The following IKBKB variants were observed in gnomAD, a reference collection of about 807,000 sequenced individuals.
The protein encoded by IKBKB is inhibitor of nuclear factor kappa B kinase subunit beta, also known as inhibitor of nuclear factor kappa-B kinase subunit beta.
In IKBKB, 42 loss-of-function variants were observed where a neutral mutation model predicts 113.6. That is an observed-to-expected ratio of 0.37 (90% CI 0.29 to 0.48). The LOEUF is 0.48. IKBKB is among the 20% of genes least tolerant of loss of function. The pLI is 0.99. For missense variants in IKBKB, 673 were observed against 939.7 expected (o/e 0.72, Z 3.71); for synonymous variants, 296 against 361.3 (o/e 0.82, Z 2.05).
chr8:42,310,630 C>A (rs757182612), intron 8 of IKBKB, among the ~76,000 whole-genome samples: 1 of 152,162 alleles, frequency 6.6e-6, no homozygotes, highest in Non-Finnish European at 1.5e-5. Context: ...ATTACCCCCT[C>A]ATTTTTGCCA....
chr8:42,308,857 C>T (rs1026383539), intron 7 of IKBKB, 44 bp from the exon 8 acceptor site: 1 of 1,606,334 alleles, frequency 6.2e-7, no homozygotes, highest in African/African-American at 1.3e-5. Flanking sequence ...CCGTGGTCCC[C>T]CCAGAGAGGA....
chr8:42,326,163 C>T (rs373888371), intron 20 of IKBKB, 66 bp downstream of exon 20: 17 of 1,575,644 alleles, frequency 1.1e-5, no homozygotes, highest in South Asian at 4.5e-5. Context: ...GGGATGGAGG[C>T]GTTTGTCACT....
rs144608378 is a variant in IKBKB at position 42,305,039 on chromosome 8, C to T, written c.389-148C>T. 5.2e-4 allele frequency: 327 copies of T among 623,610 alleles called. No homozygotes were observed. The East Asian group carries it at 7.9e-3, about 15-fold the overall frequency. 38.6% of individuals were successfully genotyped at this position (623,610 alleles called of 1,614,324 possible). A position where few individuals can be genotyped will look rare whatever the true frequency, so the allele number is the denominator to read the frequency against. ...CTGTGGAAGTTTAAGCCTCACGTAG[C>T]AGGGCCCCTGCCCTCCACCCTGAGG... On this transcript the variant is annotated intron_variant, in intron 5 of 21. Transcript: ENST00000520810.
intron 19 of IKBKB, 98 bp downstream of exon 19, chr8:42,322,592 C>T: frequency 1.6e-6 from 2 of 1,233,712 alleles, no homozygotes; most frequent in South Asian, 1.4e-5. Context: ...CACCACAGAG[C>T]CACCAGCAGC....
In IKBKB at chr8:42,314,404, T is replaced by C. The variant is rs750756038; in HGVS notation, c.775T>C (p.Leu259=). 4 of 1,609,162 alleles carry C rather than the reference T, an allele frequency of 2.5e-6. No homozygotes were observed. Among genetic ancestry groups the C allele is most frequent in the Non-Finnish European group, 3.4e-6 (4 of 1,175,416 alleles). ...TGGAACGGTGAAGTTTTCAAGCTCT[T>C]TACCCTACCCCAATAATCTTAACAG... ...LNGTVKFSSS[L]PYPNNLNSVL... is the part of the protein sequence containing the mutation. Residue 259 remains leucine (L), a synonymous_variant, in exon 9 of 22, where the codon TTA becomes CTA. Transcript: ENST00000520810.
intron 20 of IKBKB, among the ~76,000 whole-genome samples, chr8:42,327,433 A>C (rs1452074428): frequency 6.8e-6 from 1 of 147,450 alleles, no homozygotes; most frequent in African/African-American, 2.5e-5. Flanking sequence ...TCTCAGGTTC[A>C]AGTGATTCTT....
intron 5 of IKBKB, among the ~76,000 whole-genome samples, chr8:42,297,239 T>C (rs1460821276): frequency 3.3e-5 from 5 of 152,258 alleles, no homozygotes; most frequent in Non-Finnish European, 7.3e-5. Context: ...AAATTTCTTT[T>C]TGCAAGGATC....
chr8:42,272,228 G>A (rs776492942), intron 2 of IKBKB, 23 bp downstream of exon 2: 2 of 1,614,022 alleles, frequency 1.2e-6, no homozygotes, highest in South Asian at 2.2e-5. Flanking sequence ...TGCAGCTTGG[G>A]GAGGGGCGGG....
intron 5 of IKBKB, among the ~76,000 whole-genome samples, chr8:42,299,924 G>A (rs554737645): frequency 6.6e-6 from 1 of 152,294 alleles, no homozygotes; most frequent in East Asian, 1.9e-4. Context: ...TGTGATTTCT[G>A]TCTGTGCCTT....
intron 2 of IKBKB, among the ~76,000 whole-genome samples, chr8:42,272,763 C>G (rs1808058832): frequency 6.6e-6 from 1 of 151,728 alleles, no homozygotes; most frequent in Non-Finnish European, 1.5e-5. Context: ...CACTGTGAAA[C>G]CCCATCTCTA....
chr8:42,295,923 G>C (rs528683055), intron 5 of IKBKB, among the ~76,000 whole-genome samples: 1 of 152,290 alleles, frequency 6.6e-6, no homozygotes, highest in East Asian at 1.9e-4. Flanking sequence ...TTGTGTGCAT[G>C]TATGTATTTA....
At chr8:42,274,589 GTGGCGCGATCT>G (rs1203468439) in intron 2 of IKBKB, among the ~76,000 whole-genome samples, 1 of 151,742 alleles carries the variant, frequency 6.6e-6, no homozygotes, top group East Asian at 1.9e-4. Flanking sequence ...CTGGAGTGCA[GTGGCGCGATCT>G]TGGCTCACTG....
Position 42,316,418 on chromosome 8 carries a change from G to A in IKBKB, c.930+79G>A. 2.6e-6 allele frequency: 4 copies of A among 1,550,268 alleles called. No homozygotes were observed. The highest frequency in any genetic ancestry group is 3.5e-6 in the Non-Finnish European group (4 of 1,136,642). On this transcript the variant is annotated intron_variant, in intron 10 of 21. Transcript: ENST00000520810. This position sits in a 1 kb window ranked among gnomAD's most constrained non-coding sequence, Gnocchi z 4.5. ...CATGCAGTTCTTAGGACAGAGCAGG[G>A]GATGGGGCCAGCTGACCTAGTGAGG...
intron 20 of IKBKB, among the ~76,000 whole-genome samples, chr8:42,328,303 C>T (rs1821207658): frequency 6.7e-6 from 1 of 148,740 alleles, no homozygotes; most frequent in Non-Finnish European, 1.5e-5. Flanking sequence ...CTCATGAGCT[C>T]CTGGAGTATA....
At chr8:42,326,848 C>T (rs144670867) in intron 20 of IKBKB, among the ~76,000 whole-genome samples, 17 of 152,292 alleles carry the variant, frequency 1.1e-4, no homozygotes, top group African/African-American at 2.2e-4. Context: ...TCTGCTCCCA[C>T]GCCCATCTCT....
chr8:42,322,121 G>A lies in IKBKB; in HGVS notation c.1806G>A (p.Glu602=). The A allele has an allele frequency of 6.2e-7, 1 of 1,613,978 alleles. No homozygotes were observed. The highest frequency in any genetic ancestry group is 1.1e-5 in the South Asian group (1 of 91,068). ...TGCTTCAGGCAATTCAGAGCTTCGAGAAGAAAGTGCGAGTGATCTATACGC... is the reference window on the plus strand; with the variant it reads ...TGCTTCAGGCAATTCAGAGCTTCGAAAAGAAAGTGCGAGTGATCTATACGC... ...RLLLQAIQSF[E]KKVRVIYTQL... The change falls in exon 18 of 22, where the codon GAG becomes GAA. Residue 602 remains glutamate (E), a synonymous_variant. Transcript: ENST00000520810.
chr8:42,284,502 A>C (rs1264314251), intron 2 of IKBKB, among the ~76,000 whole-genome samples: 1 of 151,908 alleles, frequency 6.6e-6, no homozygotes, highest in East Asian at 1.9e-4. Context: ...GAATGGCGTG[A>C]ACCCGGGAGG....
At chr8:42,306,842 C>T (rs1816640818) in intron 7 of IKBKB, among the ~76,000 whole-genome samples, 1 of 152,230 alleles carries the variant, frequency 6.6e-6, no homozygotes, top group Non-Finnish European at 1.5e-5. Flanking sequence ...TTTCAGGGGC[C>T]ACTGAGTAGG....
At position 42,309,008 on chromosome 8, in the gene IKBKB, C is replaced by T. The variant is rs368588487; in HGVS notation, c.675C>T (p.Asn225=). ...CGGGCTTCCGGCCCTTCCTCCCCAA[C>T]TGGCAGCCCGTGCAGTGGTGAGTGG... The part of the protein sequence containing the change: ...CITGFRPFLP[N]WQPVQWHSKV... The change falls in exon 8 of 22, where the codon AAC becomes AAT. Residue 225 remains asparagine, a synonymous_variant. Coordinates refer to ENST00000520810, the MANE Select transcript of IKBKB (RefSeq NM_001556.3). 17 of 1,613,934 alleles carry T rather than the reference C, an allele frequency of 1.1e-5. No individual in the cohort carries two copies. In the African/African-American group the frequency reaches 2.3e-4, roughly 22 times the overall value.
Sources: allele counts gnomAD v4.1 joint callset (sites outside exome capture counted in the v4.1 genomes callset), GRCh38; gene constraint gnomAD v4.1.1; non-coding constraint Gnocchi (gnomAD v3.1); transcripts MANE v1.5; gene names NCBI Gene and HGNC (gene_info 2026-07-23, HGNC 2026-07-21).